Variants in CEP57 observed in about 807,000 individuals in gnomAD.
CEP57 encodes the protein centrosomal protein of 57 kDa.
In CEP57, 40 loss-of-function variants were observed where a neutral mutation model predicts 68.0. That is an observed-to-expected ratio of 0.59 (90% CI 0.46 to 0.77). The LOEUF (loss-of-function observed/expected upper bound fraction) is 0.77. CEP57 is among the 30% of genes least tolerant of loss of function. CEP57 has a pLI of 0.00. For synonymous variants in CEP57, 219 were observed against 198.7 expected (o/e 1.10, Z -0.86); for missense variants, 606 against 580.7 (o/e 1.04, Z -0.45).
At chr11:95,821,637 G>A (rs1590951377) in intron 6 of CEP57, among the ~76,000 whole-genome samples, 1 of 152,160 alleles carries the variant, frequency 6.6e-6, no homozygotes, top group South Asian at 2.1e-4. Flanking sequence ...TGTGTTCCAC[G>A]CTGAAGAAGG....
chr11:95,821,718 A>G (rs950670389), intron 6 of CEP57, among the ~76,000 whole-genome samples, 153 bp from the exon 7 acceptor site: 5 of 152,204 alleles, frequency 3.3e-5, no homozygotes, highest in African/African-American at 1.2e-4. Flanking sequence ...ACAAACGTTG[A>G]TAGATTGGTT....
intron 2 of CEP57, among the ~76,000 whole-genome samples, chr11:95,800,981 C>T (rs774428510): frequency 6.6e-6 from 1 of 152,064 alleles, no homozygotes; most frequent in Non-Finnish European, 1.5e-5. Flanking sequence ...TGCAACAATT[C>T]TATGTGTTAA....
chr11:95,822,477 T>C (rs201955313), intron 7 of CEP57, 22 bp from the exon 8 acceptor site: 76 of 1,578,172 alleles, frequency 4.8e-5, no homozygotes, highest in Admixed American at 4.3e-4. Flanking sequence ...AATAAAATTG[T>C]TTTCCTTTTC....
chr11:95,824,895 C>T (rs1393197448), intron 8 of CEP57, among the ~76,000 whole-genome samples: 1 of 152,184 alleles, frequency 6.6e-6, no homozygotes, highest in Non-Finnish European at 1.5e-5. Context: ...CTTTGAGAAC[C>T]CTTTTTCTAA....
chr11:95,808,022 C>T (rs908535426), intron 2 of CEP57, among the ~76,000 whole-genome samples: 7 of 152,120 alleles, frequency 4.6e-5, no homozygotes, highest in African/African-American at 1.7e-4. Context: ...GCAGATCTCT[C>T]GGCAGAAACT....
At chr11:95,822,783 T>TA (rs1862569843) in intron 8 of CEP57, 1 of 569,104 alleles carries the variant, frequency 1.8e-6, no homozygotes, top group South Asian at 2.0e-5. Flanking sequence ...TTAAAGTAGA[T>TA]AAAGTATATG....
At chr11:95,801,662 CA>C (rs1032812173) in intron 2 of CEP57, among the ~76,000 whole-genome samples, 2 of 150,456 alleles carry the variant, frequency 1.3e-5, no homozygotes, top group Non-Finnish European at 3.0e-5. Flanking sequence ...TTAAAAAGTT[CA>C]AAAAAATGAC....
chr11:95,799,446 T>C (rs1435462205), intron 2 of CEP57, 58 bp downstream of exon 2: 2 of 1,599,498 alleles, frequency 1.3e-6, no homozygotes, highest in East Asian at 4.5e-5. Flanking sequence ...TTAAAATTCT[T>C]AACTTTGTCC....
At chr11:95,811,738 T>C (rs1305820419) in intron 2 of CEP57, among the ~76,000 whole-genome samples, 1 of 152,106 alleles carries the variant, frequency 6.6e-6, no homozygotes, top group African/African-American at 2.4e-5. Flanking sequence ...GGGAGAAAAT[T>C]AGCCAATAAC....
Position 95,831,017 on chromosome 11 carries a change from T to C in CEP57, c.1273-9T>C, listed in dbSNP as rs1390672128. 6.3e-7 allele frequency: 1 copy of C among 1,592,614 alleles called. No individual in the cohort carries two copies. The highest frequency in any genetic ancestry group is 8.6e-7 in the Non-Finnish European group (1 of 1,160,888). ...TCCTTTTCCTTCCTGCCTTGGTTAT[T>C]TGGTATAGCTGGAGAAACAGAAGTT... On this transcript the variant is annotated splice_polypyrimidine_tract_variant and intron_variant, in intron 10 of 10. Coordinates refer to ENST00000325542, the MANE Select transcript of CEP57 (RefSeq NM_014679.5).
intron 5 of CEP57, 77 bp downstream of exon 5, chr11:95,817,980 G>T: frequency 1.2e-6 from 1 of 815,328 alleles, no homozygotes; most frequent in Non-Finnish European, 2.2e-6. Flanking sequence ...TACATCACTG[G>T]ATATTTATAG....
chr11:95,809,462 TAAA>T (rs1222347698), intron 2 of CEP57, among the ~76,000 whole-genome samples: 3 of 151,896 alleles, frequency 2.0e-5, no homozygotes, highest in African/African-American at 7.3e-5. Flanking sequence ...GCAAGACTAA[TAAA>T]GAAGTAAAGC....
At chr11:95,809,446 C>A (rs1861952984) in intron 2 of CEP57, among the ~76,000 whole-genome samples, 1 of 152,058 alleles carries the variant, frequency 6.6e-6, no homozygotes, top group African/African-American at 2.4e-5. Context: ...AATTGATAGA[C>A]CACTAGCAAG....
intron 8 of CEP57, among the ~76,000 whole-genome samples, chr11:95,825,272 AAAT>A (rs1353418778): frequency 6.6e-6 from 1 of 152,236 alleles, no homozygotes; most frequent in Non-Finnish European, 1.5e-5. Context: ...ATCAAGTCTG[AAAT>A]AATAAATTCC....
intron 2 of CEP57, among the ~76,000 whole-genome samples, chr11:95,805,562 G>T (rs1272412977): frequency 6.6e-6 from 1 of 152,164 alleles, no homozygotes; most frequent in Non-Finnish European, 1.5e-5. Context: ...GAATACTTTG[G>T]GTTGAGTAAG....
chr11:95,796,570 T>G (rs1055443274), intron 1 of CEP57, among the ~76,000 whole-genome samples: 6 of 152,240 alleles, frequency 3.9e-5, no homozygotes, highest in Admixed American at 2.6e-4. Flanking sequence ...GCGGAGGAAA[T>G]GTATAGTTAA....
At chr11:95,790,071 CT>C (rs374144836), upstream of CEP57, 3 of 156,454 alleles carry the variant, frequency 1.9e-5, no homozygotes, top group Non-Finnish European at 4.3e-5. Context: ...TCTGCCGCAA[CT>C]TTTTTTCCCT....
intron 10 of CEP57, among the ~76,000 whole-genome samples, chr11:95,829,917 G>A (rs939514381): frequency 6.6e-6 from 1 of 152,168 alleles, no homozygotes; most frequent in Non-Finnish European, 1.5e-5. Flanking sequence ...GGTTTGGGCA[G>A]AGGTAAACAG....
rs1285042744 is a variant in CEP57, at chr11:95,817,838, C to A, written c.556C>A (p.Leu186Ile). The A allele has an allele frequency of 1.2e-6, 2 of 1,614,010 alleles. No individual in the cohort carries two copies. Among genetic ancestry groups the A allele is most frequent in the African/African-American group, 2.7e-5 (2 of 75,038 alleles). The change falls in exon 5 of 11, where the codon CTT becomes ATT. Residue 186 changes from leucine to isoleucine, a missense_variant. By Grantham distance (5) the Leu-to-Ile change is conservative (BLOSUM62 2). Coordinates refer to ENST00000325542, the MANE Select transcript of CEP57 (RefSeq NM_014679.5). The part of the protein sequence containing the change: ...QHDQTHVQSQ[L>I]EKLDLLEQEY... ...TGATCAAACACATGTTCAGAGCCAA[C>A]TTGAAAAATTGGATCTTCTTGAACA... is the stretch of plus-strand genomic sequence containing the variant.
Sources: allele counts gnomAD v4.1 joint callset (sites outside exome capture counted in the v4.1 genomes callset), GRCh38; gene constraint gnomAD v4.1.1; transcripts MANE v1.5; gene names NCBI Gene and HGNC (gene_info 2026-07-23, HGNC 2026-07-21).